The following PDIA5 variants were observed in gnomAD, a reference collection of about 807,000 sequenced individuals.
PDIA5 encodes protein disulfide-isomerase A5.
In PDIA5, 58 loss-of-function variants were observed where a neutral mutation model predicts 77.6. That is an observed-to-expected ratio of 0.75 (90% CI 0.61 to 0.93). PDIA5 has a LOEUF of 0.93. Ranked by LOEUF, PDIA5 falls within the 40% of genes least tolerant of loss-of-function variation. The pLI is 0.00. For synonymous variants in PDIA5, 250 were observed against 252.1 expected, an observed-to-expected ratio of 0.99 and a Z score of 0.08; for missense variants, 630 against 647.7, an observed-to-expected ratio of 0.97 and a Z score of 0.30.
chr3:123,161,533 A>G (rs1049455282), intron 16 of PDIA5, 78 bp downstream of exon 16: 2 of 1,468,254 alleles, frequency 1.4e-6, no homozygotes, highest in Admixed American at 1.9e-5. Context: ...GAGGGGCAGC[A>G]CTGGGCAGCA....
intron 1 of PDIA5, among the ~76,000 whole-genome samples, chr3:123,082,208 C>G (rs935168314): frequency 5.9e-5 from 9 of 152,214 alleles, no homozygotes; most frequent in African/African-American, 2.2e-4. Context: ...TCGGTAGGCC[C>G]TGCCTTGGAA....
At chr3:123,153,285 G>A (rs555532038) in intron 14 of PDIA5, among the ~76,000 whole-genome samples, 25 of 152,190 alleles carry the variant, frequency 1.6e-4, no homozygotes, top group African/African-American at 5.1e-4. Context: ...GGTTATTTTC[G>A]CCAGCCTAAT....
intron 13 of PDIA5, among the ~76,000 whole-genome samples, chr3:123,149,712 A>T (rs1935845915): frequency 6.6e-6 from 1 of 152,216 alleles, no homozygotes; most frequent in South Asian, 2.1e-4. Flanking sequence ...GTCCTCATTT[A>T]ACAGAAAAGA....
rs559926147 is a variant in PDIA5, at chr3:123,159,266, C to T, written c.1345-2055C>T. On this transcript the variant is annotated intron_variant, in intron 15 of 16. Transcript: ENST00000316218. ...CAGGGAAGGAAAGTATGTGGATGCCCGTGTCCCTGGGCAGGGCCCCATAGC... is the reference window on the plus strand; with the variant it reads ...CAGGGAAGGAAAGTATGTGGATGCCTGTGTCCCTGGGCAGGGCCCCATAGC... Among the ~76,000 whole-genome samples the T allele has an allele frequency of 6.6e-5, 10 of 152,340 alleles. No individual in the cohort carries two copies. The East Asian group carries it at 9.6e-4, about 15-fold the overall frequency.
intron 8 of PDIA5, among the ~76,000 whole-genome samples, chr3:123,116,805 A>T (rs1157105363): frequency 6.6e-6 from 1 of 151,896 alleles, no homozygotes; most frequent in Non-Finnish European, 1.5e-5. Flanking sequence ...GAGGAGGAGG[A>T]GGTGGGGCTG....
At chr3:123,113,898 G>A (rs1041566485) in intron 7 of PDIA5, among the ~76,000 whole-genome samples, 1 of 152,248 alleles carries the variant, frequency 6.6e-6, no homozygotes, top group African/African-American at 2.4e-5. Context: ...TTTGAGGTTT[G>A]AGAATGATAA....
chr3:123,131,432 C>G (rs1445652444), intron 11 of PDIA5, among the ~76,000 whole-genome samples: 2 of 151,510 alleles, frequency 1.3e-5, no homozygotes, highest in African/African-American at 4.9e-5. Flanking sequence ...AAAAAAAGAC[C>G]CTGTCTCTAA....
intron 10 of PDIA5, among the ~76,000 whole-genome samples, chr3:123,128,658 C>A (rs948713536): frequency 1.3e-5 from 2 of 152,128 alleles, no homozygotes; most frequent in African/African-American, 4.8e-5. Flanking sequence ...CAGGCACAGG[C>A]CACCATGCCC....
intron 14 of PDIA5, among the ~76,000 whole-genome samples, chr3:123,151,468 G>T (rs1371064244): frequency 3.3e-5 from 5 of 152,250 alleles, no homozygotes; most frequent in Non-Finnish European, 7.3e-5. Context: ...CAGAGAGTGA[G>T]AGTGTTTTCA....
At chr3:123,104,157 T>C (rs73856810) in intron 5 of PDIA5, among the ~76,000 whole-genome samples, 108 of 152,240 alleles carry the variant, frequency 7.1e-4, no homozygotes, top group African/African-American at 2.6e-3. Flanking sequence ...AGGTCAGCGT[T>C]CTCTTGACCT....
intron 3 of PDIA5, among the ~76,000 whole-genome samples, chr3:123,092,880 G>T (rs1243392148): frequency 6.6e-6 from 1 of 152,096 alleles, no homozygotes. Flanking sequence ...ACCACTAGAC[G>T]CCTCTGCTGC....
chr3:123,111,557 A>T (rs1453453145), intron 7 of PDIA5, among the ~76,000 whole-genome samples: 1 of 152,200 alleles, frequency 6.6e-6, no homozygotes, highest in Admixed American at 6.5e-5. Context: ...TGGCAGGAGG[A>T]TCTTTCAGAT....
intron 1 of PDIA5, among the ~76,000 whole-genome samples, chr3:123,079,266 C>T (rs1165852709): frequency 9.4e-5 from 14 of 148,364 alleles, no homozygotes; most frequent in Admixed American, 2.1e-4. Context: ...CTGCAAGCTC[C>T]GCCTCCTGGG....
intron 1 of PDIA5, among the ~76,000 whole-genome samples, chr3:123,079,698 A>T (rs1933946665): frequency 6.6e-6 from 1 of 152,236 alleles, no homozygotes; most frequent in Non-Finnish European, 1.5e-5. Flanking sequence ...GGAATTACCA[A>T]GTCAAAGAGC....
At position 123,141,881 on chromosome 3, in the gene PDIA5, C is replaced by G. The variant is rs1275901185; in HGVS notation, c.911-3641C>G. Among the ~76,000 whole-genome samples the G allele has an allele frequency of 2.6e-5, 4 of 152,196 alleles. No individual in the cohort carries two copies. The East Asian group carries it at 5.8e-4, about 22-fold the overall frequency. ...CATCTAAGCCTGGGCCCCTGTGCATCAGCTCTCCGTGTTCTTCCGCTTTGC... is the reference window on the plus strand; with the variant it reads ...CATCTAAGCCTGGGCCCCTGTGCATGAGCTCTCCGTGTTCTTCCGCTTTGC... On this transcript the variant is annotated intron_variant, in intron 11 of 16. Coordinates refer to ENST00000316218, the MANE Select transcript of PDIA5 (RefSeq NM_006810.4).
In PDIA5 at chr3:123,161,418, A is replaced by G; in HGVS notation, c.1442A>G (p.Tyr481Cys). ...TACCCCACTTTCCACTACTACCACT[A>G]TGGGAAGTTCGCAGAAAAGTATGAC... is the stretch of plus-strand genomic sequence containing the variant. Reference protein sequence around the residue: ...KGYPTFHYYHYGKFAEKYDSD... With the variant: ...KGYPTFHYYHCGKFAEKYDSD... The change falls in exon 16 of 17, where the codon TAT (tyrosine) becomes TGT (cysteine). Residue 481 changes from tyrosine (Y) to cysteine (C), a missense_variant. Coordinates refer to ENST00000316218, the MANE Select transcript of PDIA5 (RefSeq NM_006810.4). The G allele has an allele frequency of 1.2e-6, 2 of 1,614,100 alleles. No individual in the cohort carries two copies. Among genetic ancestry groups the G allele is most frequent in the South Asian group, 1.1e-5 (1 of 91,084 alleles).
intron 7 of PDIA5, among the ~76,000 whole-genome samples, chr3:123,112,950 G>A (rs1159663242): frequency 6.6e-6 from 1 of 152,166 alleles, no homozygotes; most frequent in East Asian, 1.9e-4. Context: ...CTTACCTTTG[G>A]GATGAGGCCC....
At chr3:123,143,950 T>A (rs560571768) in intron 11 of PDIA5, among the ~76,000 whole-genome samples, 2 of 152,304 alleles carry the variant, frequency 1.3e-5, no homozygotes, top group East Asian at 3.9e-4. Flanking sequence ...TTTGGTTTTC[T>A]GTTATCAGTT....
intron 5 of PDIA5, among the ~76,000 whole-genome samples, chr3:123,103,214 A>G (rs1187718199): frequency 6.6e-6 from 1 of 152,174 alleles, no homozygotes; most frequent in Non-Finnish European, 1.5e-5. Flanking sequence ...CTTGTTCCAG[A>G]TGAGATATGG....
Sources: gnomAD v4.1 joint callset for allele counts (sites outside exome capture counted in the v4.1 genomes callset) on GRCh38, gnomAD v4.1.1 for gene constraint, MANE v1.5 for transcripts, NCBI Gene and HGNC (gene_info 2026-07-23, HGNC 2026-07-21) for gene names.